CSMD1: variants seen among roughly 807,000 people sequenced by gnomAD.
The protein encoded by CSMD1 is CUB and sushi domain-containing protein 1.
In CSMD1, 213 loss-of-function variants were observed where a neutral mutation model predicts 417.5. The observed-to-expected ratio is 0.51, with a 90% CI of 0.46 to 0.57. CSMD1 has a LOEUF of 0.57. Ranked by LOEUF, CSMD1 falls within the 20% of genes least tolerant of loss-of-function variation. CSMD1 has a pLI of 0.00. For missense variants in CSMD1, 6,923 were observed against 4,529.7 expected (o/e 1.53, Z -15.17); for synonymous variants, 2,862 against 1,736.8 (o/e 1.65, Z -16.11).
chr8:3,589,554 T>C (rs1269637139), intron 8 of CSMD1, among the ~76,000 whole-genome samples: 3 of 152,120 alleles, frequency 2.0e-5, no homozygotes, highest in Admixed American at 2.0e-4. Flanking sequence ...CATGATCTCA[T>C]TTCTAGGTGA....
chr8:4,338,482 A>G (rs1319094615), intron 3 of CSMD1, among the ~76,000 whole-genome samples: 1 of 152,146 alleles, frequency 6.6e-6, no homozygotes, highest in East Asian at 1.9e-4. Flanking sequence ...TTCATGGCAA[A>G]TCTACCTCGG....
intron 1 of CSMD1, among the ~76,000 whole-genome samples, chr8:4,823,252 T>G (rs867031061): frequency 4.6e-5 from 7 of 152,068 alleles, no homozygotes; most frequent in African/African-American, 1.7e-4. Flanking sequence ...CTTATGCTTG[T>G]GTTTTCCAAT....
At position 3,045,868 on chromosome 8, in the gene CSMD1, A is replaced by C. The variant is rs533115862; in HGVS notation, c.7660+6594T>G. Among the ~76,000 whole-genome samples, 169 of 152,298 alleles carry C rather than the reference A, an allele frequency of 1.1e-3. 1 individual carries two copies. Among genetic ancestry groups the C allele is most frequent in the African/African-American group, 3.7e-3 (152 of 41,560 alleles). ...GTGATAATGAAATTACATACCTCATAATAATTAAGTAAATTAACTTGTGTA... is the reference window on the plus strand; with the variant it reads ...GTGATAATGAAATTACATACCTCATCATAATTAAGTAAATTAACTTGTGTA... On this transcript the variant is annotated intron_variant, in intron 50 of 69. Coordinates refer to ENST00000635120, the MANE Select transcript of CSMD1 (RefSeq NM_033225.6).
chr8:4,167,933 G>T (rs933329579), intron 3 of CSMD1, among the ~76,000 whole-genome samples: 1 of 151,922 alleles, frequency 6.6e-6, no homozygotes, highest in African/African-American at 2.4e-5. Context: ...TTCAAGACCA[G>T]CCTGGCCAGC....
chr8:4,241,325 G>A (rs553639523), intron 3 of CSMD1, among the ~76,000 whole-genome samples: 4 of 152,114 alleles, frequency 2.6e-5, no homozygotes, highest in Admixed American at 6.6e-5. Flanking sequence ...CATATTTCAC[G>A]CCTTTGCCTA....
In CSMD1 at chr8:3,576,417, C is replaced by T. The variant is rs553762376; in HGVS notation, c.1223-1351G>A. Among the ~76,000 whole-genome samples the T allele has an allele frequency of 2.1e-4, 32 of 152,230 alleles. 2 individuals carry two copies. In the South Asian group the frequency reaches 6.6e-3, roughly 32 times the overall value. ...CCTGACCTTAGGAACTGTCCTCTTT[C>T]TGCATTTACCTGTCCCTCCTCAGCA... On this transcript the variant is annotated intron_variant, in intron 9 of 69. Transcript: ENST00000635120.
intron 12 of CSMD1, among the ~76,000 whole-genome samples, chr8:3,436,253 G>T (rs147446678): frequency 6.6e-6 from 1 of 152,290 alleles, no homozygotes; most frequent in East Asian, 1.9e-4. Context: ...TGTGACATGA[G>T]TCTCTCTTAC....
chr8:4,093,991 T>TAGAC (rs1348955651), intron 3 of CSMD1, among the ~76,000 whole-genome samples: 7 of 151,490 alleles, frequency 4.6e-5, no homozygotes, highest in Non-Finnish European at 1.0e-4. Context: ...GATAGATAGA[T>TAGAC]AGATAGATAG....
At chr8:3,638,402 G>C (rs189961145) in intron 7 of CSMD1, among the ~76,000 whole-genome samples, 3 of 151,780 alleles carry the variant, frequency 2.0e-5, no homozygotes, top group Admixed American at 2.0e-4. Context: ...TTGATGCTGA[G>C]AGAAAGGTCC....
At chr8:4,781,356 C>A (rs774152218) in intron 1 of CSMD1, among the ~76,000 whole-genome samples, 1 of 152,194 alleles carries the variant, frequency 6.6e-6, no homozygotes, top group Non-Finnish European at 1.5e-5. Context: ...AACAAGAGAT[C>A]CCTTTCTAGA....
chr8:3,518,309 G>A lies in CSMD1; in HGVS notation c.1345-24583C>T, dbSNP rs979034086. Among the ~76,000 whole-genome samples, 4 of 152,174 alleles carry A rather than the reference G, an allele frequency of 2.6e-5. No individual in the cohort carries two copies. The East Asian group carries it at 7.7e-4, about 29-fold the overall frequency. ...GAATTATTTCATGCAGCCAAAAGCT[G>A]ACGCAAATTCCTCTGGAGCTTAAAT... On this transcript the variant is annotated intron_variant, in intron 10 of 69. Coordinates refer to ENST00000635120, the MANE Select transcript of CSMD1 (RefSeq NM_033225.6).
rs1384324831 is a variant in CSMD1 at position 3,262,206 on chromosome 8, T to A, written c.4153+21938A>T. Among the ~76,000 whole-genome samples the A allele has an allele frequency of 6.4e-5, 6 of 93,258 alleles. 2 individuals carry two copies. The highest frequency in any genetic ancestry group is 2.2e-4 in the African/African-American group (6 of 27,564). 61.2% of individuals were successfully genotyped at this position (93,258 alleles called of 152,430 possible). On this transcript the variant is annotated intron_variant, in intron 26 of 69. Coordinates refer to ENST00000635120, the MANE Select transcript of CSMD1 (RefSeq NM_033225.6). ...ATGAATATATATATATATATATATA[T>A]ATATATATATATATATATATATATA...
intron 2 of CSMD1, among the ~76,000 whole-genome samples, chr8:4,493,080 T>C (rs1461361203): frequency 6.6e-6 from 1 of 152,146 alleles, no homozygotes; most frequent in Non-Finnish European, 1.5e-5. Context: ...TACATTTGCT[T>C]ATAAAAGTAT....
chr8:4,632,988 C>G lies in CSMD1; in HGVS notation c.302+4354G>C, dbSNP rs149393346. On this transcript the variant is annotated intron_variant, in intron 2 of 69. Transcript: ENST00000635120. ...TGAAGGACAGAATGCAGTTTGGAGT[C>G]CGATCATGGACTTTCTTGAATTTCA... is the stretch of plus-strand genomic sequence containing the variant. 2.3e-3 allele frequency among the ~76,000 whole-genome samples: 357 copies of G among 152,184 alleles called. 3 individuals carry two copies. Among genetic ancestry groups the G allele is most frequent in the African/African-American group, 8.4e-3 (348 of 41,530 alleles).
intron 3 of CSMD1, among the ~76,000 whole-genome samples, chr8:4,135,031 G>A (rs923020320): frequency 6.6e-6 from 1 of 152,064 alleles, no homozygotes; most frequent in Non-Finnish European, 1.5e-5. Context: ...TTTTGTGAGA[G>A]GATAGACCCC....
At chr8:3,476,194 AAAAAC>A (rs1479922112) in intron 11 of CSMD1, among the ~76,000 whole-genome samples, 4 of 152,224 alleles carry the variant, frequency 2.6e-5, no homozygotes, top group African/African-American at 9.6e-5. Flanking sequence ...ATACAAATGC[AAAAAC>A]AAAACAAGAG....
chr8:4,972,014 T>C (rs17071968), intron 1 of CSMD1, among the ~76,000 whole-genome samples: 23,413 of 151,862 alleles, frequency 0.15, 1,990 homozygotes, highest in East Asian at 0.32. Context: ...CAGCCAACAA[T>C]TGAAGAAAGT....
chr8:4,144,113 C>T (rs1331435724), intron 3 of CSMD1, among the ~76,000 whole-genome samples: 1 of 151,060 alleles, frequency 6.6e-6, no homozygotes, highest in Non-Finnish European at 1.5e-5. Context: ...GTTAATTGGG[C>T]TTAGGTTCCC....
intron 3 of CSMD1, among the ~76,000 whole-genome samples, chr8:4,394,002 A>G (rs958926371): frequency 6.6e-6 from 1 of 152,204 alleles, no homozygotes; most frequent in Non-Finnish European, 1.5e-5. Flanking sequence ...AGAGCAACAC[A>G]TATATAGCAT....
Sources: gnomAD v4.1 joint callset for allele counts (sites outside exome capture counted in the v4.1 genomes callset) on GRCh38, gnomAD v4.1.1 for gene constraint, MANE v1.5 for transcripts, NCBI Gene and HGNC (gene_info 2026-07-23, HGNC 2026-07-21) for gene names.